The following LRCH1 variants were observed in gnomAD, a reference collection of about 807,000 sequenced individuals.
LRCH1 encodes the protein leucine rich repeats and calponin homology domain containing 1, also known as leucine-rich repeat and calponin homology domain-containing protein 1.
In LRCH1, 23 loss-of-function variants were observed where a neutral mutation model predicts 94.9. The observed-to-expected ratio is 0.24, with a 90% CI of 0.17 to 0.34. The LOEUF (loss-of-function observed/expected upper bound fraction) is 0.34. Among genes scored for constraint, LRCH1 ranks in the 10% least tolerant of loss-of-function variants. The probability of loss-of-function intolerance (pLI) is 1.00; values close to 1 mark genes in which losing one functional copy is unlikely to be tolerated. For missense variants in LRCH1, 790 were observed against 945.9 expected (o/e 0.84, Z 2.16); for synonymous variants, 364 against 354.9 (o/e 1.03, Z -0.29).
At chr13:46,703,994 G>A (rs535152098) in intron 11 of LRCH1, among the ~76,000 whole-genome samples, 11 of 152,136 alleles carry the variant, frequency 7.2e-5, no homozygotes, top group Middle Eastern at 3.4e-3. Flanking sequence ...GCATCTTTAT[G>A]GAGCACTATT....
At position 46,743,570 on chromosome 13, in the gene LRCH1, G is replaced by A. The variant is rs955144055; in HGVS notation, c.*1722G>A. 22 of 985,620 alleles carry A rather than the reference G, an allele frequency of 2.2e-5. No homozygotes were observed. The highest frequency in any genetic ancestry group is 6.1e-5 in the Admixed American group (1 of 16,262). The allele number at this position is 985,620 out of a possible 1,614,324, so 61.1% of individuals were successfully genotyped here. On this transcript the variant is annotated 3_prime_UTR_variant, in exon 20 of 20. Coordinates refer to ENST00000389797, the MANE Select transcript of LRCH1 (RefSeq NM_001164211.2). Reference sequence around the variant, plus strand: ...TAATGAGCACCCTGAGCCATAAATTGCTTAATAAACACATTTTGGGTGATT... The same window carrying A: ...TAATGAGCACCCTGAGCCATAAATTACTTAATAAACACATTTTGGGTGATT...
intron 1 of LRCH1, among the ~76,000 whole-genome samples, chr13:46,598,955 A>G (rs1354712159): frequency 6.6e-6 from 1 of 152,214 alleles, no homozygotes; most frequent in Non-Finnish European, 1.5e-5. Flanking sequence ...TCATCTTGCA[A>G]AACTGAAACT....
At chr13:46,573,398 A>G (rs1336713686) in intron 1 of LRCH1, among the ~76,000 whole-genome samples, 3 of 152,202 alleles carry the variant, frequency 2.0e-5, no homozygotes, top group African/African-American at 4.8e-5. Flanking sequence ...AAGGAAAGAA[A>G]ATCAGTACAG....
At position 46,553,362 on chromosome 13, in the gene LRCH1, G is replaced by A. The variant is rs2050021136; in HGVS notation, c.-35G>A. On this transcript the variant is annotated 5_prime_UTR_variant, in exon 1 of 20. Coordinates refer to ENST00000389797, the MANE Select transcript of LRCH1 (RefSeq NM_001164211.2). The stretch of plus-strand genomic sequence containing the variant: ...GGGGAACGCTGTGACCCCCCCGCAG[G>A]AGCGGCGGGGCGGGGTGGGGGGGCC... 6.7e-7 allele frequency: 1 copy of A among 1,486,924 alleles called. No individual in the cohort carries two copies. The highest frequency in any genetic ancestry group is 1.4e-5 in the African/African-American group (1 of 71,866). 92.1% of individuals were successfully genotyped at this position (1,486,924 alleles called of 1,614,324 possible).
In LRCH1 at chr13:46,553,306, C is replaced by T. The variant is rs2050019973; in HGVS notation, c.-91C>T. The T allele has an allele frequency of 9.4e-7, 1 of 1,063,722 alleles. No homozygotes were observed. The highest frequency in any genetic ancestry group is 1.3e-6 in the Non-Finnish European group (1 of 749,458). 65.9% of individuals were successfully genotyped at this position (1,063,722 alleles called of 1,614,324 possible). Reference sequence around the variant, plus strand: ...AGCGCCTTTCGGTGGAGCACTGCGGCACTCAGCCCGAGCTGCCGTTTTCCC... The same window carrying T: ...AGCGCCTTTCGGTGGAGCACTGCGGTACTCAGCCCGAGCTGCCGTTTTCCC... On this transcript the variant is annotated 5_prime_UTR_variant, in exon 1 of 20. Coordinates refer to ENST00000389797, the MANE Select transcript of LRCH1 (RefSeq NM_001164211.2).
intron 1 of LRCH1, among the ~76,000 whole-genome samples, chr13:46,571,540 C>T (rs1010208899): frequency 2.6e-5 from 4 of 152,184 alleles, no homozygotes; most frequent in African/African-American, 9.7e-5. Context: ...GTGGAGCTTC[C>T]TGGAACTGTG....
At chr13:46,628,953 A>C (rs2050985779) in intron 1 of LRCH1, among the ~76,000 whole-genome samples, 2 of 152,202 alleles carry the variant, frequency 1.3e-5, no homozygotes, top group Admixed American at 1.3e-4. Flanking sequence ...ACATCATGGA[A>C]TGTACCCATT....
At chr13:46,604,522 A>G (rs2050666768) in intron 1 of LRCH1, among the ~76,000 whole-genome samples, 1 of 152,214 alleles carries the variant, frequency 6.6e-6, no homozygotes, top group Non-Finnish European at 1.5e-5. Flanking sequence ...GTGTTATTTT[A>G]ATTTTCAATT....
At chr13:46,680,594 A>G (rs1324175102) in intron 3 of LRCH1, among the ~76,000 whole-genome samples, 1 of 152,226 alleles carries the variant, frequency 6.6e-6, no homozygotes, top group African/African-American at 2.4e-5. Context: ...CTGGCATATC[A>G]GGCAGGGAAG....
chr13:46,634,902 C>T (rs938294850), intron 1 of LRCH1, among the ~76,000 whole-genome samples: 4 of 152,160 alleles, frequency 2.6e-5, no homozygotes, highest in African/African-American at 9.7e-5. Flanking sequence ...TCCCTTCGGG[C>T]TCTTTGACTT....
At chr13:46,724,901 A>G (rs918948256) in intron 17 of LRCH1, among the ~76,000 whole-genome samples, 2 of 152,184 alleles carry the variant, frequency 1.3e-5, no homozygotes, top group Non-Finnish European at 2.9e-5. Context: ...AGAAACCTGC[A>G]CTCATATGTC....
intron 2 of LRCH1, among the ~76,000 whole-genome samples, chr13:46,651,430 G>A (rs551555898): frequency 8.3e-4 from 126 of 152,198 alleles, no homozygotes; most frequent in Middle Eastern, 6.8e-3. Flanking sequence ...TTGGGAGGCC[G>A]AGGCGGAGGG....
At chr13:46,562,309 G>C (rs569183536) in intron 1 of LRCH1, among the ~76,000 whole-genome samples, 1 of 152,356 alleles carries the variant, frequency 6.6e-6, no homozygotes, top group Non-Finnish European at 1.5e-5. Flanking sequence ...TTAGACAACA[G>C]AAATTAATTT....
intron 1 of LRCH1, among the ~76,000 whole-genome samples, chr13:46,602,836 C>G (rs924790173): frequency 4.6e-5 from 7 of 152,050 alleles, no homozygotes; most frequent in African/African-American, 1.2e-4. Context: ...GTAGCCCCAG[C>G]TACTGAAGAG....
chr13:46,715,260 C>G (rs978585104), intron 15 of LRCH1, among the ~76,000 whole-genome samples: 2 of 152,066 alleles, frequency 1.3e-5, no homozygotes, highest in Admixed American at 6.5e-5. Flanking sequence ...TTCCTCTGAC[C>G]TGATTCATTA....
intron 1 of LRCH1, among the ~76,000 whole-genome samples, chr13:46,577,920 T>G (rs2050321749): frequency 6.6e-6 from 1 of 152,230 alleles, no homozygotes; most frequent in Non-Finnish European, 1.5e-5. Context: ...GTTCTGCTCC[T>G]GTGGCATAGC....
chr13:46,553,197 A>C lies in LRCH1; in HGVS notation c.-200A>C. ...AGTCCTTAGCTTCCCGGGGACAGGA[A>C]ACCTTCAAGACCGAGCTGCCACGGC... On this transcript the variant is annotated 5_prime_UTR_variant, in exon 1 of 20. Coordinates refer to ENST00000389797, the MANE Select transcript of LRCH1 (RefSeq NM_001164211.2). 13 of 562,030 alleles carry C rather than the reference A, an allele frequency of 2.3e-5. No homozygotes were observed. The highest frequency in any genetic ancestry group is 3.4e-5 in the East Asian group (1 of 29,590). 34.8% of individuals were successfully genotyped at this position (562,030 alleles called of 1,614,324 possible).
At chr13:46,749,320 G>A (rs7328175), downstream of LRCH1, among the ~76,000 whole-genome samples, 14,480 of 152,216 alleles carry the variant, frequency 0.095, 739 homozygotes, top group Middle Eastern at 0.16. Context: ...TCACTAATAC[G>A]TGGAATCTAA....
Position 46,553,546 on chromosome 13 carries a change from T to TGGC in LRCH1, c.151_153dup (p.Gly51dup), listed in dbSNP as rs745772173. 1 of 1,545,856 alleles carries TGGC rather than the reference T, an allele frequency of 6.5e-7. No individual in the cohort carries two copies. The highest frequency in any genetic ancestry group is 8.7e-7 in the Non-Finnish European group (1 of 1,144,304). On this transcript the variant is annotated inframe_insertion, in exon 1 of 20. Transcript: ENST00000389797. ...CCGGCGGGGCGGGTGGTGGCGGCGGTGGCAGCGGGGGCTTCAACCTGCCCT... is the reference window on the plus strand; with the variant it reads ...CCGGCGGGGCGGGTGGTGGCGGCGGTGGCGGCAGCGGGGGCTTCAACCTGCCCT...
Sources: allele counts gnomAD v4.1 joint callset (sites outside exome capture counted in the v4.1 genomes callset), GRCh38; gene constraint gnomAD v4.1.1; transcripts MANE v1.5; gene names NCBI Gene and HGNC (gene_info 2026-07-23, HGNC 2026-07-21).